Variants in DNAH12 observed in about 807,000 individuals in gnomAD.
DNAH12 encodes the protein dynein axonemal heavy chain 12.
A neutral mutation model predicts 371.5 loss-of-function variants in DNAH12; 285 were observed. The observed-to-expected ratio is 0.77, with a 90% CI of 0.70 to 0.85. The LOEUF is 0.85. DNAH12 is among the 40% of genes least tolerant of loss of function. The probability of loss-of-function intolerance (pLI) is 0.00; values close to 1 mark genes in which losing one functional copy is unlikely to be tolerated. For synonymous variants in DNAH12, 1,200 were observed against 1,213.0 expected (o/e 0.99, Z 0.22); for missense variants, 3,611 against 3,689.4 (o/e 0.98, Z 0.55).
intron 11 of DNAH12, among the ~76,000 whole-genome samples, chr3:57,495,311 C>A (rs1030322108): frequency 5.3e-5 from 8 of 151,840 alleles, no homozygotes; most frequent in African/African-American, 1.7e-4. Context: ...GTAATCCTAG[C>A]ATTTTGGGAG....
At chr3:57,373,144 G>A (rs2153337943) in intron 55 of DNAH12, among the ~76,000 whole-genome samples, 1 of 152,234 alleles carries the variant, frequency 6.6e-6, no homozygotes, top group East Asian at 1.9e-4. Flanking sequence ...CTCTTTTTCT[G>A]AGAACTACAC....
At chr3:57,522,563 C>A (rs1049960908) in intron 4 of DNAH12, among the ~76,000 whole-genome samples, 1 of 152,046 alleles carries the variant, frequency 6.6e-6, no homozygotes, top group African/African-American at 2.4e-5. Flanking sequence ...ATTTTAAAAA[C>A]CAAAACCAAA....
chr3:57,322,210 C>G (rs2061822862), intron 65 of DNAH12, 133 bp downstream of exon 65: 1 of 998,276 alleles, frequency 1.0e-6, no homozygotes, highest in African/African-American at 1.6e-5. Context: ...CAATTTTTGT[C>G]TTGTTAGGAA....
At chr3:57,482,966 A>G (rs1346599017) in intron 13 of DNAH12, among the ~76,000 whole-genome samples, 1 of 151,794 alleles carries the variant, frequency 6.6e-6, no homozygotes, top group Admixed American at 6.6e-5. Context: ...AGATATACCT[A>G]TGTTAAATGA....
At chr3:57,512,787 T>C (rs561901849) in intron 4 of DNAH12, among the ~76,000 whole-genome samples, 29 of 152,130 alleles carry the variant, frequency 1.9e-4, no homozygotes, top group Non-Finnish European at 3.5e-4. Flanking sequence ...GCACTACTTA[T>C]AATAGCAAAG....
At chr3:57,317,725 TAATTTTTTG>T (rs2061717366) in intron 65 of DNAH12, among the ~76,000 whole-genome samples, 1 of 152,210 alleles carries the variant, frequency 6.6e-6, no homozygotes, top group South Asian at 2.1e-4. Flanking sequence ...GTTCTGTTTT[TAATTTTTTG>T]AGAGTCTCCA....
At chr3:57,295,660 C>T in intron 72 of DNAH12, 68 bp from the exon 73 acceptor site, 1 of 1,349,464 alleles carries the variant, frequency 7.4e-7, no homozygotes, top group Non-Finnish European at 1.0e-6. Context: ...CAGATTGCTA[C>T]TTAGATATTG....
chr3:57,482,581 C>G (rs1334019857), intron 13 of DNAH12, among the ~76,000 whole-genome samples: 1 of 152,012 alleles, frequency 6.6e-6, no homozygotes, highest in East Asian at 1.9e-4. Context: ...GGTATATACC[C>G]AAAGGATTAT....
At chr3:57,457,664 C>A in intron 22 of DNAH12, 57 bp downstream of exon 22, 4 of 1,462,806 alleles carry the variant, frequency 2.7e-6, no homozygotes, top group South Asian at 1.5e-5. Context: ...TTTCCAAAAC[C>A]TCTTAAACAA....
At chr3:57,302,529 GTA>G (rs71088055) in intron 69 of DNAH12, among the ~76,000 whole-genome samples, 1,025 of 47,776 alleles carry the variant, frequency 0.021, 11 homozygotes, top group South Asian at 0.026. Context: ...GGCATCAGGT[GTA>G]TATATATATA....
At chr3:57,522,535 G>T (rs2068488489) in intron 4 of DNAH12, among the ~76,000 whole-genome samples, 1 of 152,178 alleles carries the variant, frequency 6.6e-6, no homozygotes, top group Admixed American at 6.5e-5. Context: ...GGGTGGCCAG[G>T]TAAGGAGGAA....
chr3:57,322,048 T>C (rs570442915), intron 65 of DNAH12, among the ~76,000 whole-genome samples: 4 of 152,286 alleles, frequency 2.6e-5, no homozygotes, highest in East Asian at 3.9e-4. Flanking sequence ...AATGGGAAAA[T>C]AGATTTCTAC....
intron 8 of DNAH12, among the ~76,000 whole-genome samples, chr3:57,504,691 G>A (rs997112735): frequency 1.3e-5 from 2 of 152,168 alleles, no homozygotes; most frequent in Admixed American, 1.3e-4. Flanking sequence ...TCACATCAGG[G>A]TAAATGGGAT....
At chr3:57,517,405 T>C (rs940638420) in intron 4 of DNAH12, among the ~76,000 whole-genome samples, 26 of 152,072 alleles carry the variant, frequency 1.7e-4, no homozygotes, top group African/African-American at 5.8e-4. Flanking sequence ...AATAAATAAA[T>C]TATACAGACA....
chr3:57,519,638 AC>A, intron 4 of DNAH12: 1 of 1,278,236 alleles, frequency 7.8e-7, no homozygotes, highest in East Asian at 2.3e-5. Flanking sequence ...AAGGCTCTGA[AC>A]AACTGCACTA....
intron 13 of DNAH12, among the ~76,000 whole-genome samples, chr3:57,476,619 A>G (rs2066535811): frequency 6.6e-6 from 1 of 152,160 alleles, no homozygotes; most frequent in African/African-American, 2.4e-5. Context: ...AAGACAAGGG[A>G]TTATGATGGG....
At chr3:57,486,501 A>G (rs137939055) in intron 12 of DNAH12, among the ~76,000 whole-genome samples, 2,115 of 152,214 alleles carry the variant, frequency 0.014, 34 homozygotes, top group African/African-American at 0.047. Context: ...ACAAAGTGTA[A>G]AAGAGGTAAA....
At chr3:57,349,112 G>C (rs2062611658) in intron 60 of DNAH12, among the ~76,000 whole-genome samples, 1 of 151,964 alleles carries the variant, frequency 6.6e-6, no homozygotes, top group African/African-American at 2.4e-5. Flanking sequence ...AATCTACAAG[G>C]AACTCAAATT....
At chr3:57,300,009 G>A (rs1314529727) in intron 70 of DNAH12, among the ~76,000 whole-genome samples, 1 of 152,134 alleles carries the variant, frequency 6.6e-6, no homozygotes, top group Non-Finnish European at 1.5e-5. Flanking sequence ...AGCACATCTT[G>A]TTTCCAAATA....
Sources: allele counts gnomAD v4.1 joint callset (sites outside exome capture counted in the v4.1 genomes callset), GRCh38; gene constraint gnomAD v4.1.1; transcripts MANE v1.5; gene names NCBI Gene and HGNC (gene_info 2026-07-23, HGNC 2026-07-21).